The following DIPK2B variants were observed in gnomAD, a reference collection of about 807,000 sequenced individuals.
DIPK2B encodes UPF0672 protein CXorf36.
DIPK2B carries 15 observed loss-of-function variants against 22.2 expected under a neutral mutation model. The ratio of observed to expected loss-of-function variants is 0.68; its 90% CI spans 0.45 to 1.04. The LOEUF is 1.04. Among genes scored for constraint, DIPK2B ranks in the 50% least tolerant of loss-of-function variants. The pLI, the probability that DIPK2B is intolerant of heterozygous loss-of-function variation, is 0.00. For missense variants in DIPK2B, 345 were observed against 348.3 expected (o/e 0.99, Z 0.08); for synonymous variants, 163 against 153.2 (o/e 1.06, Z -0.47).
intron 1 of DIPK2B, among the ~76,000 whole-genome samples, chrX:45,195,537 C>T (rs1426804594): frequency 8.9e-6 from 1 of 112,015 alleles, no homozygotes; most frequent in Non-Finnish European, 1.9e-5. Flanking sequence ...TTCCTCCCTT[C>T]CCTCTTCTTC....
At chrX:45,187,937 G>T (rs2047192643) in intron 2 of DIPK2B, among the ~76,000 whole-genome samples, 1 of 111,196 alleles carries the variant, frequency 9.0e-6, no homozygotes, top group Admixed American at 9.7e-5. Flanking sequence ...TTAGATCCCA[G>T]TTGGAAAACG....
rs573662246 is a variant in DIPK2B at position 45,168,709 on chromosome X, G to T, written c.499-10821C>A. Among the ~76,000 whole-genome samples, 373 of 112,049 alleles carry T rather than the reference G, an allele frequency of 3.3e-3. 2 individuals carry two copies. Among genetic ancestry groups the T allele is most frequent in the African/African-American group, 0.011 (353 of 30,846 alleles). On this transcript the variant is annotated intron_variant, in intron 2 of 4. Transcript: ENST00000398000. Reference sequence around the variant, plus strand: ...TTTATCCACTCTCCTGTTTCCCAGCGCCTCCCGCATGTCTTCTCCGTGTCT... The same window carrying T: ...TTTATCCACTCTCCTGTTTCCCAGCTCCTCCCGCATGTCTTCTCCGTGTCT...
At chrX:45,155,291 C>T (rs1382528028) in intron 3 of DIPK2B, among the ~76,000 whole-genome samples, 1 of 110,765 alleles carries the variant, frequency 9.0e-6, no homozygotes, top group African/African-American at 3.3e-5. Context: ...GGAGTGATGG[C>T]GCATGTCTGT....
intron 3 of DIPK2B, among the ~76,000 whole-genome samples, chrX:45,154,524 C>G (rs1268018466): frequency 9.0e-6 from 1 of 110,866 alleles, no homozygotes; most frequent in Non-Finnish European, 1.9e-5. Flanking sequence ...CCCATCCCTC[C>G]CCTTCCCCAT....
chrX:45,166,295 G>T (rs772276675), intron 2 of DIPK2B, among the ~76,000 whole-genome samples: 4 of 111,201 alleles, frequency 3.6e-5, no homozygotes, highest in Non-Finnish European at 7.5e-5. Flanking sequence ...ACTGGGCCAG[G>T]GATGGCCTTA....
chrX:45,163,663 G>C, intron 2 of DIPK2B: 1 of 754,518 alleles, frequency 1.3e-6, no homozygotes, highest in Non-Finnish European at 1.6e-6. Flanking sequence ...GACTCTGATG[G>C]AGGTACTTAA....
At chrX:45,184,742 T>A (rs900244938) in intron 2 of DIPK2B, among the ~76,000 whole-genome samples, 1 of 112,223 alleles carries the variant, frequency 8.9e-6, no homozygotes, top group Non-Finnish European at 1.9e-5. Context: ...ACCGAACTTG[T>A]GTCAACAGCA....
rs777721060 is a variant in DIPK2B, at chrX:45,153,958, G to C, written c.913C>G (p.Leu305Val). 1 of 1,210,922 alleles carries C rather than the reference G, an allele frequency of 8.3e-7. No homozygotes were observed. Among genetic ancestry groups the C allele is most frequent in the Non-Finnish European group, 1.1e-6 (1 of 895,121 alleles). Residue 305 changes from leucine (L) to valine (V), a missense_variant, in exon 4 of 5, where the codon CTG (leucine) becomes GTG (valine). Leu to Val is a conservative substitution (Grantham distance 32, BLOSUM62 1). Transcript: ENST00000398000. ...GMFGVFNNGH[L>V]FIRDASAVGV... is the part of the protein sequence containing the mutation. The stretch of plus-strand genomic sequence containing the variant: ...ACTGCACTGGCATCCCGGATGAACA[G>C]ATGCCCGTTGTTAAAGACGCCGAAC...
chrX:45,195,481 A>G (rs778938722), intron 1 of DIPK2B, among the ~76,000 whole-genome samples: 1 of 111,976 alleles, frequency 8.9e-6, no homozygotes, highest in South Asian at 3.7e-4. Context: ...TCATGCTTGC[A>G]TCTGGTCAAA....
In DIPK2B at chrX:45,153,810, T is replaced by C. The variant is rs771778814; in HGVS notation, c.961+100A>G. On this transcript the variant is annotated intron_variant, in intron 4 of 4. Transcript: ENST00000398000. ...TGGCTCTCACTATGACATGCAGAGA[T>C]GGGAAAGGCCCAATAGCATGACCCC... The C allele has an allele frequency of 9.6e-4, 657 of 683,288 alleles. 1 individual carries two copies. The highest frequency in any genetic ancestry group is 2.3e-3 in the East Asian group (67 of 28,524). 56.3% of individuals were successfully genotyped at this position (683,288 alleles called of 1,213,427 possible).
chrX:45,158,568 T>C (rs1262380419), intron 2 of DIPK2B, among the ~76,000 whole-genome samples: 2 of 108,871 alleles, frequency 1.8e-5, no homozygotes, highest in Non-Finnish European at 3.8e-5. Flanking sequence ...TTTTTTTTTC[T>C]CTCATGACTT....
At chrX:45,168,285 G>A (rs1170029060) in intron 2 of DIPK2B, among the ~76,000 whole-genome samples, 1 of 112,536 alleles carries the variant, frequency 8.9e-6, no homozygotes. Flanking sequence ...AGAAAGTCAG[G>A]TGCAAAGGGT....
In DIPK2B at chrX:45,155,961, C is replaced by CTTTTTTTTTTTTTTTT. The variant is rs757375184; in HGVS notation, c.672+1738_672+1753dup. Among the ~76,000 whole-genome samples the CTTTTTTTTTTTTTTTT allele has an allele frequency of 4.9e-4, 27 of 55,259 alleles. 2 individuals are homozygous for CTTTTTTTTTTTTTTTT. Among genetic ancestry groups the CTTTTTTTTTTTTTTTT allele is most frequent in the African/African-American group, 1.9e-3 (26 of 13,762 alleles). 48.0% of individuals were successfully genotyped at this position (55,259 alleles called of 115,157 possible). On this transcript the variant is annotated intron_variant, in intron 3 of 4. Transcript: ENST00000398000. ...AGTTTCCCCTGCCTAAAGGGGACCTCTTTTTTTTTTTTTTTTTTTTTTTTA... is the reference window on the plus strand; with the variant it reads ...AGTTTCCCCTGCCTAAAGGGGACCTCTTTTTTTTTTTTTTTTTTTTTTTTTTTTTTTTTTTTTTTTA...
In DIPK2B at chrX:45,156,192, G is replaced by T. The variant is rs754258613; in HGVS notation, c.672+1523C>A. Among the ~76,000 whole-genome samples, 10 of 108,990 alleles carry T rather than the reference G, an allele frequency of 9.2e-5. No homozygotes were observed. The South Asian group carries it at 4.0e-3, about 44-fold the overall frequency. The allele number at this position is 108,990 out of a possible 115,157, so 94.6% of individuals were successfully genotyped here. The stretch of plus-strand genomic sequence containing the variant: ...TCATCATGTTGGCCAGGCTGGTCTC[G>T]AACTCCTGACCTCAGGTGACCCGCC... On this transcript the variant is annotated intron_variant, in intron 3 of 4. Transcript: ENST00000398000.
At chrX:45,185,034 G>T (rs949054289) in intron 2 of DIPK2B, among the ~76,000 whole-genome samples, 2 of 111,499 alleles carry the variant, frequency 1.8e-5, no homozygotes, top group Non-Finnish European at 3.8e-5. Flanking sequence ...GGGTTTTGTG[G>T]CTTAATACAC....
At chrX:45,189,807 G>T (rs1046611610) in intron 2 of DIPK2B, among the ~76,000 whole-genome samples, 6 of 111,637 alleles carry the variant, frequency 5.4e-5, no homozygotes, top group African/African-American at 2.0e-4. Context: ...TTAATGGCTA[G>T]GAGAATGGGT....
intron 2 of DIPK2B, among the ~76,000 whole-genome samples, chrX:45,161,511 C>T (rs755491605): frequency 6.0e-4 from 68 of 112,444 alleles, no homozygotes; most frequent in African/African-American, 1.7e-3. Context: ...TACTGTACTG[C>T]GGCCTGGGCA....
chrX:45,164,359 C>A (rs1158664787), intron 2 of DIPK2B: 18 of 811,609 alleles, frequency 2.2e-5, no homozygotes, highest in Non-Finnish European at 2.9e-5. Flanking sequence ...ATAGCATTAT[C>A]CAGTGATCTA....
chrX:45,177,457 C>T (rs911735136), intron 2 of DIPK2B, among the ~76,000 whole-genome samples: 5 of 109,434 alleles, frequency 4.6e-5, no homozygotes, highest in South Asian at 8.1e-4. Flanking sequence ...TTAGTTCCCA[C>T]GAGAGCTGGT....
Sources: gnomAD v4.1 joint callset for allele counts (sites outside exome capture counted in the v4.1 genomes callset) on GRCh38, gnomAD v4.1.1 for gene constraint, MANE v1.5 for transcripts, NCBI Gene and HGNC (gene_info 2026-07-23, HGNC 2026-07-21) for gene names.